The following FOXN4 variants were observed in gnomAD, a reference collection of about 807,000 sequenced individuals.
FOXN4 encodes the protein forkhead box protein N4.
In FOXN4, 12 loss-of-function variants were observed where a neutral mutation model predicts 45.0. That is an observed-to-expected ratio of 0.27 (90% confidence interval 0.17 to 0.43). FOXN4 has a LOEUF of 0.43. Ranked by LOEUF, FOXN4 falls within the 20% of genes least tolerant of loss-of-function variation. The pLI, the probability that FOXN4 is intolerant of heterozygous loss-of-function variation, is 1.00. For missense variants in FOXN4, 560 were observed against 694.9 expected (o/e 0.81, Z 2.18); for synonymous variants, 297 against 295.0 (o/e 1.01, Z -0.07).
rs1191593614 is a variant in FOXN4, at chr12:109,291,670, T to C, written c.87-1384A>G. Among the ~76,000 whole-genome samples, 2 of 152,060 alleles carry C rather than the reference T, an allele frequency of 1.3e-5. No homozygotes were observed. Among genetic ancestry groups the C allele is most frequent in the African/African-American group, 4.8e-5 (2 of 41,416 alleles). On this transcript the variant is annotated intron_variant, in intron 2 of 9. Transcript: ENST00000299162. The surrounding 1 kb of genome is among the most constrained non-coding windows in gnomAD (Gnocchi z 6.6). Reference sequence around the variant, plus strand: ...CGTTGCCATGGCCACACTGCTCAGTTGTCGCAGGGCCGGGCCCTGGGCCCA... The same window carrying C: ...CGTTGCCATGGCCACACTGCTCAGTCGTCGCAGGGCCGGGCCCTGGGCCCA...
At chr12:109,308,439 CT>C (rs962005471) in intron 1 of FOXN4, 115 bp from the exon 2 acceptor site, 129 of 617,972 alleles carry the variant, frequency 2.1e-4, no homozygotes, top group South Asian at 3.7e-4. Context: ...TCACAGAACA[CT>C]TTTTTTTTCT....
At chr12:109,301,124 GAAAC>G (rs1236646103) in intron 2 of FOXN4, among the ~76,000 whole-genome samples, 4 of 152,254 alleles carry the variant, frequency 2.6e-5, no homozygotes, top group Admixed American at 1.3e-4. Context: ...AGGGAGGAAA[GAAAC>G]CGGCAGGGAA....
chr12:109,281,491 G>T lies in FOXN4; in HGVS notation c.1210C>A (p.Pro404Thr). ...GTGCTGATGTTGATGAAGTCTACAG[G>T]AGCCCTTCCCATGGCGGGGTGGGGG... ...PLPHPAMGRAPVDFINISTDM... is the reference protein window; with the variant it reads ...PLPHPAMGRATVDFINISTDM... Residue 404 changes from proline (P) to threonine (T), a missense_variant, in exon 9 of 10, where the codon CCT becomes ACT. Pro to Thr is a conservative substitution (Grantham distance 38). This residue lies in a region of FOXN4 where 315 missense variants were observed against 350.5 expected (regional missense o/e 0.90). Coordinates refer to ENST00000299162, the MANE Select transcript of FOXN4 (RefSeq NM_213596.3). The T allele has an allele frequency of 6.2e-7, 1 of 1,614,006 alleles. No individual in the cohort carries two copies. Among genetic ancestry groups the T allele is most frequent in the South Asian group, 1.1e-5 (1 of 91,084 alleles).
rs767850140 is a variant in FOXN4, at chr12:109,287,538, G to A, written c.469-14C>T. ...CACAGGAGGGCACTTCCCACAGGCAGGGGCAGGGAGAAAGTGGCAGAGAAA... is the reference window on the plus strand; with the variant it reads ...CACAGGAGGGCACTTCCCACAGGCAAGGGCAGGGAGAAAGTGGCAGAGAAA... On this transcript the variant is annotated splice_polypyrimidine_tract_variant and intron_variant, in intron 5 of 9. Transcript: ENST00000299162. This position sits in a 1 kb window ranked among gnomAD's most constrained non-coding sequence, Gnocchi z 4.1. 1.1e-5 allele frequency: 17 copies of A among 1,509,500 alleles called. No homozygotes were observed. The highest frequency in any genetic ancestry group is 1.4e-5 in the Non-Finnish European group (16 of 1,130,658). The allele number at this position is 1,509,500 out of a possible 1,614,324, so 93.5% of individuals were successfully genotyped here.
chr12:109,290,322 G>C lies in FOXN4; in HGVS notation c.87-36C>G, dbSNP rs1454970861. On this transcript the variant is annotated intron_variant, in intron 2 of 9. Transcript: ENST00000299162. This position sits in a 1 kb window ranked among gnomAD's most constrained non-coding sequence, Gnocchi z 5.1. ...GAACAGAGAACTCGGGCGGGAGGGG[G>C]AGCTTAGGCCAGCTCCTGGGGGTGC... 1 of 1,517,074 alleles carries C rather than the reference G, an allele frequency of 6.6e-7. No homozygotes were observed. Among genetic ancestry groups the C allele is most frequent in the Admixed American group, 2.1e-5 (1 of 48,326 alleles). The allele number at this position is 1,517,074 out of a possible 1,614,324, so 94.0% of individuals were successfully genotyped here.
rs1172346374 is a variant in FOXN4, at chr12:109,279,474, C to T, written c.*197G>A. 6.5e-6 allele frequency: 5 copies of T among 767,494 alleles called. No homozygotes were observed. Among genetic ancestry groups the T allele is most frequent in the South Asian group, 5.6e-5 (3 of 53,218 alleles). The allele number at this position is 767,494 out of a possible 1,614,324, so 47.5% of individuals were successfully genotyped here. A position where few individuals can be genotyped will look rare whatever the true frequency, so the allele number is the denominator to read the frequency against. On this transcript the variant is annotated 3_prime_UTR_variant, in exon 10 of 10. Transcript: ENST00000299162. The stretch of plus-strand genomic sequence containing the variant: ...TTGGAAGAGCCCCCAGAAACTGCTC[C>T]GGAAGCTCCAGGGGGAGGCACGAGA...
At chr12:109,293,141 C>T (rs564162005) in intron 2 of FOXN4, among the ~76,000 whole-genome samples, 2 of 152,318 alleles carry the variant, frequency 1.3e-5, no homozygotes, top group South Asian at 2.1e-4. Context: ...CAAAGTCTGA[C>T]TTCTGGCCTC....
intron 2 of FOXN4, among the ~76,000 whole-genome samples, chr12:109,304,292 A>AAAGAAAGAAAGAAAGAAAGAAAGG (rs1566005745): frequency 6.6e-5 from 3 of 45,568 alleles, no homozygotes; most frequent in South Asian, 5.1e-4. Flanking sequence ...AGAAAGAAAG[A>AAAGAAAGAAAGAAAGAAAGAAAGG]AAGGAGAAAG....
At chr12:109,299,969 C>T (rs2047855032) in intron 2 of FOXN4, among the ~76,000 whole-genome samples, 1 of 152,204 alleles carries the variant, frequency 6.6e-6, no homozygotes, top group Admixed American at 6.5e-5. Flanking sequence ...GATCTGGCCA[C>T]TTAGCAGCTG....
At chr12:109,298,734 C>A (rs1171861812) in intron 2 of FOXN4, among the ~76,000 whole-genome samples, 1 of 152,160 alleles carries the variant, frequency 6.6e-6, no homozygotes, top group Non-Finnish European at 1.5e-5. Context: ...CCCCTGGGAG[C>A]ATTTCCAAAG....
At position 109,279,773 on chromosome 12, in the gene FOXN4, G is replaced by A; in HGVS notation, c.1452C>T (p.Leu484=). ...TGTCCGGAGTGGAGTACGCTGTGTA[G>A]AGACCCGTCACCTGCAAGTCTGGGA... ...QSFPDLQVTG[L]YTAYSTPDSV... Residue 484 remains leucine, a synonymous_variant, in exon 10 of 10, where the codon CTC becomes CTT. Coordinates refer to ENST00000299162, the MANE Select transcript of FOXN4 (RefSeq NM_213596.3). The A allele has an allele frequency of 1.2e-6, 2 of 1,601,208 alleles. No individual in the cohort carries two copies. Among genetic ancestry groups the A allele is most frequent in the Non-Finnish European group, 1.7e-6 (2 of 1,173,824 alleles).
chr12:109,285,269 G>GTGTGTC (rs767611521), intron 8 of FOXN4, 35 bp downstream of exon 8: 21 of 1,555,410 alleles, frequency 1.4e-5, no homozygotes, highest in Non-Finnish European at 1.8e-5. Context: ...GTGTGTGTGT[G>GTGTGTC]TGTGTGCGCG....
chr12:109,305,851 TG>T (rs2047917352), intron 2 of FOXN4, among the ~76,000 whole-genome samples: 1 of 152,142 alleles, frequency 6.6e-6, no homozygotes, highest in African/African-American at 2.4e-5. Context: ...CCAGTGCTGA[TG>T]GGAACAGGCC....
At chr12:109,308,392 G>A (rs2047939795) in intron 1 of FOXN4, 68 bp from the exon 2 acceptor site, 1 of 1,062,090 alleles carries the variant, frequency 9.4e-7, no homozygotes, top group Non-Finnish European at 1.4e-6. Context: ...GAAACCCACA[G>A]TTTTCCCGCA....
chr12:109,301,049 C>T (rs1003237328), intron 2 of FOXN4, among the ~76,000 whole-genome samples: 3 of 152,204 alleles, frequency 2.0e-5, no homozygotes, highest in Non-Finnish European at 1.5e-5. Flanking sequence ...TTCCATCCTA[C>T]GCTGACTGGG....
intron 7 of FOXN4, 59 bp from the exon 8 acceptor site, chr12:109,285,570 G>A (rs919514332): frequency 6.3e-7 from 1 of 1,587,468 alleles, no homozygotes; most frequent in African/African-American, 1.3e-5. Flanking sequence ...CTACCCCGGG[G>A]ATCTCCTACT....
rs150947594 is a variant in FOXN4 at position 109,282,583 on chromosome 12, C to T, written c.902-784G>A. ...GCCCTGCAAGAAGGAGGTAAGGCCG[C>T]GATTACAAATCCCATAAGACTGGGA... On this transcript the variant is annotated intron_variant, in intron 8 of 9. Coordinates refer to ENST00000299162, the MANE Select transcript of FOXN4 (RefSeq NM_213596.3). Among the ~76,000 whole-genome samples the T allele has an allele frequency of 3.7e-3, 557 of 152,262 alleles. 6 individuals carry two copies. The highest frequency in any genetic ancestry group is 0.013 in the African/African-American group (524 of 41,528).
At position 109,279,755 on chromosome 12, in the gene FOXN4, A is replaced by G; in HGVS notation, c.1470T>C (p.Thr490=). 6.3e-7 allele frequency: 1 copy of G among 1,592,386 alleles called. No homozygotes were observed. The highest frequency in any genetic ancestry group is 2.3e-5 in the East Asian group (1 of 43,852). The change falls in exon 10 of 10, where the codon ACT becomes ACC. Residue 490 remains threonine (T), a synonymous_variant. Coordinates refer to ENST00000299162, the MANE Select transcript of FOXN4 (RefSeq NM_213596.3). ...TGCCCGATGCAGCCACACTGTCCGG[A>G]GTGGAGTACGCTGTGTAGAGACCCG... ...QVTGLYTAYS[T]PDSVAASGTS... is the part of the protein sequence containing the mutation.
At chr12:109,304,235 GAA>G (rs574187227) in intron 2 of FOXN4, among the ~76,000 whole-genome samples, 1 of 44,536 alleles carries the variant, frequency 2.2e-5, no homozygotes, top group Non-Finnish European at 4.6e-5. Flanking sequence ...AAGAAAGAAA[GAA>G]AGAAAGAAAG....
Sources: gnomAD v4.1 joint callset for allele counts (sites outside exome capture counted in the v4.1 genomes callset) on GRCh38, gnomAD v4.1.1 for gene constraint, gnomAD v4.1.1 regional missense constraint, Gnocchi (gnomAD v3.1) non-coding constraint, MANE v1.5 for transcripts, NCBI Gene and HGNC (gene_info 2026-07-23, HGNC 2026-07-21) for gene names.